Variants in PRDM12 observed in about 807,000 individuals in gnomAD.
PRDM12 encodes PR/SET domain 12, also known as PR domain zinc finger protein 12.
In PRDM12, 17 loss-of-function variants were observed where a neutral mutation model predicts 29.6. The observed-to-expected ratio is 0.57, with a 90% CI of 0.39 to 0.86. PRDM12 has a LOEUF of 0.86. PRDM12 is among the 40% of genes least tolerant of loss of function. The pLI is 0.00. For synonymous variants in PRDM12, 231 were observed against 225.8 expected (o/e 1.02, Z -0.21); for missense variants, 422 against 510.8 (o/e 0.83, Z 1.68).
chr9:130,681,527 C>T lies in PRDM12; in HGVS notation c.962C>T (p.Ala321Val). 1 of 1,374,454 alleles carries T rather than the reference C, an allele frequency of 7.3e-7. No individual in the cohort carries two copies. The highest frequency in any genetic ancestry group is 1.6e-5 in the South Asian group (1 of 63,568). 85.1% of individuals were successfully genotyped at this position (1,374,454 alleles called of 1,614,324 possible). The part of the protein sequence containing the change: ...LAGLRAHQKS[A>V]RHRPPSTALQ... Reference sequence around the variant, plus strand: ...GGCCTGCGCGCCCACCAGAAGAGCGCGCGGCACCGGCCGCCCAGCACCGCG... The same window carrying T: ...GGCCTGCGCGCCCACCAGAAGAGCGTGCGGCACCGGCCGCCCAGCACCGCG... Residue 321 changes from alanine to valine, a missense_variant, in exon 5 of 5, where the codon GCG (alanine) becomes GTG (valine). Ala to Val is a moderately conservative substitution (Grantham distance 64). Transcript: ENST00000253008. The surrounding 1 kb of genome is among the most constrained non-coding windows in gnomAD (Gnocchi z 8.1).
chr9:130,667,102 G>A (rs2132589867), intron 2 of PRDM12, among the ~76,000 whole-genome samples: 1 of 152,368 alleles, frequency 6.6e-6, no homozygotes, highest in East Asian at 1.9e-4. Flanking sequence ...CAGGTCGCTT[G>A]CCCAGGGTCC....
intron 4 of PRDM12, among the ~76,000 whole-genome samples, chr9:130,680,634 A>ATATATATATATATATAT (rs1554753095): frequency 3.4e-5 from 3 of 88,470 alleles, no homozygotes; most frequent in South Asian, 4.0e-4. Context: ...AAAAAAAAAA[A>ATATATATATATATATAT]ATATATATAT....
At chr9:130,674,613 G>A (rs550178969) in intron 3 of PRDM12, among the ~76,000 whole-genome samples, 1 of 151,634 alleles carries the variant, frequency 6.6e-6, no homozygotes, top group Admixed American at 6.6e-5. Flanking sequence ...TCCATGAACT[G>A]TAAGTCAGCA....
chr9:130,677,429 T>C (rs571209996), intron 3 of PRDM12, among the ~76,000 whole-genome samples: 1 of 152,326 alleles, frequency 6.6e-6, no homozygotes, highest in South Asian at 2.1e-4. Flanking sequence ...CAGACACCTC[T>C]AGATGGAATC....
At chr9:130,669,631 T>A (rs1194803502) in intron 3 of PRDM12, among the ~76,000 whole-genome samples, 2 of 150,458 alleles carry the variant, frequency 1.3e-5, no homozygotes, top group Non-Finnish European at 3.0e-5. Flanking sequence ...CTGGCTAACA[T>A]GGTGAAACCC....
intron 3 of PRDM12, among the ~76,000 whole-genome samples, chr9:130,674,650 C>T (rs937173214): frequency 1.3e-5 from 2 of 152,078 alleles, no homozygotes; most frequent in Admixed American, 6.6e-5. Context: ...AAATGGCAAA[C>T]GCTTCTGGGG....
At chr9:130,677,762 C>A (rs757167908) in intron 3 of PRDM12, among the ~76,000 whole-genome samples, 16 of 152,194 alleles carry the variant, frequency 1.1e-4, no homozygotes, top group Non-Finnish European at 1.9e-4. Flanking sequence ...AGGCCCCTTA[C>A]GCCTCCCTGG....
rs987698821 is a variant in PRDM12, at chr9:130,681,851, G to C, written c.*182G>C. ...CGCCTTGGCCCGTGTCGCAGATGAG[G>C]ACACTGAGGGCGGCGTCCCTCACCC... is the stretch of plus-strand genomic sequence containing the variant. On this transcript the variant is annotated 3_prime_UTR_variant, in exon 5 of 5. Transcript: ENST00000253008. This position sits in a 1 kb window ranked among gnomAD's most constrained non-coding sequence, Gnocchi z 8.1. 3 of 472,480 alleles carry C rather than the reference G, an allele frequency of 6.3e-6. No individual in the cohort carries two copies. In the African/African-American group the frequency reaches 6.4e-5, roughly 10 times the overall value. The allele number at this position is 472,480 out of a possible 1,614,324, so 29.3% of individuals were successfully genotyped here. A position where few individuals can be genotyped will look rare whatever the true frequency, so the allele number is the denominator to read the frequency against.
In PRDM12 at chr9:130,664,910, T is replaced by C. The variant is rs577541859; in HGVS notation, c.223+34T>C. The C allele has an allele frequency of 1.4e-4, 214 of 1,489,394 alleles. No homozygotes were observed. The African/African-American group carries it at 1.9e-3, about 13-fold the overall frequency. 92.3% of individuals were successfully genotyped at this position (1,489,394 alleles called of 1,614,324 possible). The stretch of plus-strand genomic sequence containing the variant: ...AGCCGTCGGAGCCCGGCGCAATCCC[T>C]CCTCCCGGCGACCCCCATTCCCGTC... On this transcript the variant is annotated intron_variant, in intron 1 of 4. Coordinates refer to ENST00000253008, the MANE Select transcript of PRDM12 (RefSeq NM_021619.3). This position sits in a 1 kb window ranked among gnomAD's most constrained non-coding sequence, Gnocchi z 6.4.
chr9:130,666,823 G>A (rs1052809545), intron 2 of PRDM12, 25 bp downstream of exon 2: 1 of 1,567,088 alleles, frequency 6.4e-7, no homozygotes, highest in Non-Finnish European at 8.7e-7. Flanking sequence ...GGGCAGAGGG[G>A]CGCAAGGGCC....
In PRDM12 at chr9:130,681,810, G is replaced by A; in HGVS notation, c.*141G>A. ...CGCGCTGGGGTTGCGCCCCGGAGGC[G>A]GATCTCAGGCACCCCCGCCTTGGCC... On this transcript the variant is annotated 3_prime_UTR_variant, in exon 5 of 5. Transcript: ENST00000253008. This position sits in a 1 kb window ranked among gnomAD's most constrained non-coding sequence, Gnocchi z 8.1. The A allele has an allele frequency of 5.2e-6, 4 of 771,486 alleles. No homozygotes were observed. The highest frequency in any genetic ancestry group is 4.7e-6 in the Non-Finnish European group (3 of 634,778). 47.8% of individuals were successfully genotyped at this position (771,486 alleles called of 1,614,324 possible). A position where few individuals can be genotyped will look rare whatever the true frequency, so the allele number is the denominator to read the frequency against.
Position 130,681,605 on chromosome 9 carries a change from T to TCGCCGC in PRDM12, c.1071_1076dup (p.Ala358_Ala359dup), listed in dbSNP as rs752427775. 0.034 allele frequency: 32,572 copies of TCGCCGC among 953,538 alleles called. 463 individuals are homozygous for TCGCCGC. The highest frequency in any genetic ancestry group is 0.068 in the African/African-American group (3,697 of 54,048). The allele number at this position is 953,538 out of a possible 1,614,324, so 59.1% of individuals were successfully genotyped here. A position where few individuals can be genotyped will look rare whatever the true frequency, so the allele number is the denominator to read the frequency against. On this transcript the variant is annotated inframe_insertion, in exon 5 of 5. Coordinates refer to ENST00000253008, the MANE Select transcript of PRDM12 (RefSeq NM_021619.3). This position sits in a 1 kb window ranked among gnomAD's most constrained non-coding sequence, Gnocchi z 8.1. Reference sequence around the variant, plus strand: ...GCCCCGCACGCGCACGCGCCCGCGCTCGCCGCCGCCGCCGCCGCCGCCGCC... The same window carrying TCGCCGC: ...GCCCCGCACGCGCACGCGCCCGCGCTCGCCGCCGCCGCCGCCGCCGCCGCCGCCGCC...
At chr9:130,673,503 C>T (rs1430890552) in intron 3 of PRDM12, among the ~76,000 whole-genome samples, 4 of 149,200 alleles carry the variant, frequency 2.7e-5, no homozygotes, top group Non-Finnish European at 6.0e-5. Flanking sequence ...CCAGCAGCCT[C>T]TTTTTTTTTT....
intron 3 of PRDM12, among the ~76,000 whole-genome samples, chr9:130,677,176 C>T (rs1003287036): frequency 1.2e-4 from 18 of 152,350 alleles, no homozygotes; most frequent in African/African-American, 4.3e-4. Context: ...CCACCCGCCT[C>T]AGCCTCCCAA....
intron 4 of PRDM12, among the ~76,000 whole-genome samples, chr9:130,680,146 G>A (rs1830880709): frequency 6.6e-6 from 1 of 151,664 alleles, no homozygotes; most frequent in African/African-American, 2.4e-5. Context: ...AGACCAGCCT[G>A]GTCAACATGG....
intron 3 of PRDM12, among the ~76,000 whole-genome samples, chr9:130,675,406 C>T (rs1440315896): frequency 2.0e-5 from 3 of 152,062 alleles, no homozygotes; most frequent in Admixed American, 6.6e-5. Flanking sequence ...CTGGTGTCCT[C>T]GGAGCATTCG....
At position 130,682,771 on chromosome 9, in the gene PRDM12, ATAAAC is replaced by A. The variant is rs1254838903; in HGVS notation, c.*1105_*1109del. 2 of 152,660 alleles carry A rather than the reference ATAAAC, an allele frequency of 1.3e-5. No homozygotes were observed. Among genetic ancestry groups the A allele is most frequent in the Non-Finnish European group, 2.9e-5 (2 of 68,052 alleles). The allele number at this position is 152,660 out of a possible 1,614,324, so 9.5% of individuals were successfully genotyped here. A position where few individuals can be genotyped will look rare whatever the true frequency, so the allele number is the denominator to read the frequency against. ...GGATTCCCGTAGGGCGTTTTGTAAA[ATAAAC>A]TATAATATTAATGAAAAGTATAAAA... On this transcript the variant is annotated 3_prime_UTR_variant, in exon 5 of 5. Coordinates refer to ENST00000253008, the MANE Select transcript of PRDM12 (RefSeq NM_021619.3). This position sits in a 1 kb window ranked among gnomAD's most constrained non-coding sequence, Gnocchi z 4.2.
At chr9:130,680,494 G>A (rs1253748151) in intron 4 of PRDM12, among the ~76,000 whole-genome samples, 1 of 150,580 alleles carries the variant, frequency 6.6e-6, no homozygotes, top group Non-Finnish European at 1.5e-5. Context: ...TTAGCTGGGC[G>A]TGGTGGTGCA....
intron 3 of PRDM12, among the ~76,000 whole-genome samples, chr9:130,677,509 T>C (rs1830853997): frequency 6.6e-6 from 1 of 151,928 alleles, no homozygotes; most frequent in South Asian, 2.1e-4. Flanking sequence ...TGCCTGGGGG[T>C]GTCTGGGTTT....
Sources: allele counts gnomAD v4.1 joint callset (sites outside exome capture counted in the v4.1 genomes callset), GRCh38; gene constraint gnomAD v4.1.1; non-coding constraint Gnocchi (gnomAD v3.1); transcripts MANE v1.5; gene names NCBI Gene and HGNC (gene_info 2026-07-23, HGNC 2026-07-21).